Variants in GDAP1 observed in about 807,000 individuals in gnomAD.
GDAP1 encodes the protein ganglioside-induced differentiation-associated protein 1.
In GDAP1, 34 loss-of-function variants were observed where a neutral mutation model predicts 40.1. The observed-to-expected ratio is 0.85, with a 90% CI of 0.64 to 1.13. The LOEUF is 1.13. Ranked by LOEUF, GDAP1 falls within the 50% of genes most tolerant of loss-of-function variation. The pLI is 0.00. For synonymous variants in GDAP1, 170 were observed against 157.4 expected (o/e 1.08, Z -0.60); for missense variants, 374 against 433.7 (o/e 0.86, Z 1.22).
At chr8:74,479,011 T>G (rs1806672207) in intron 2 of GDAP1, among the ~76,000 whole-genome samples, 1 of 152,164 alleles carries the variant, frequency 6.6e-6, no homozygotes, top group Admixed American at 6.5e-5. Flanking sequence ...CCTGTGAAGA[T>G]CTGCTGGGAG....
At chr8:74,399,791 C>A (rs1253427091) in intron 2 of GDAP1, among the ~76,000 whole-genome samples, 1 of 128,256 alleles carries the variant, frequency 7.8e-6, no homozygotes, top group Non-Finnish European at 1.6e-5. Context: ...TTATTTCTGC[C>A]TTCATTTCGT....
Position 74,350,505 on chromosome 8 carries a change from G to A in GDAP1, c.44G>A (p.Arg15Lys). The A allele has an allele frequency of 1.2e-6, 2 of 1,613,814 alleles. No homozygotes were observed. The highest frequency in any genetic ancestry group is 1.7e-6 in the Non-Finnish European group (2 of 1,179,790). Residue 15 changes from arginine (R) to lysine (K), a missense_variant, in exon 1 of 6, where the codon AGG becomes AAG. Transcript: ENST00000220822. ...QEEQRGSPPL[R>K]AEGKADAEVK... is the part of the protein sequence containing the mutation. ...GAGCAGAGAGGGAGCCCGCCCTTGA[G>A]GGCGGAAGGCAAGGCCGACGCGGAG...
At chr8:74,464,581 T>C (rs148700967) in intron 2 of GDAP1, among the ~76,000 whole-genome samples, 1 of 152,352 alleles carries the variant, frequency 6.6e-6, no homozygotes, top group African/African-American at 2.4e-5. Flanking sequence ...TGCGTCCATC[T>C]AGACACCCTG....
intron 2 of GDAP1, among the ~76,000 whole-genome samples, chr8:74,473,960 T>A (rs1454202838): frequency 6.6e-6 from 1 of 152,256 alleles, no homozygotes; most frequent in Non-Finnish European, 1.5e-5. Context: ...TTTCCATTTA[T>A]TTGTTTCACC....
rs1040448638 is a variant in GDAP1 at position 74,410,154 on chromosome 8, A to G, written c.165+58833A>G. Among the ~76,000 whole-genome samples, 19 of 150,206 alleles carry G rather than the reference A, an allele frequency of 1.3e-4. 2 individuals carry two copies. Among genetic ancestry groups the G allele is most frequent in the African/African-American group, 4.3e-4 (17 of 39,476 alleles). On this transcript the variant is annotated intron_variant, in intron 2 of 2. Coordinates refer to the GDAP1 transcript ENST00000523640. Reference sequence around the variant, plus strand: ...GACCTAAGTTCCACCTGTCTCTTGAATCAGTTAAATGAAGTCACCATGGGA... The same window carrying G: ...GACCTAAGTTCCACCTGTCTCTTGAGTCAGTTAAATGAAGTCACCATGGGA...
chr8:74,429,483 C>G (rs980347829), intron 2 of GDAP1, among the ~76,000 whole-genome samples: 2 of 152,084 alleles, frequency 1.3e-5, no homozygotes, highest in African/African-American at 4.8e-5. Context: ...TATTTGTTTG[C>G]TCATAGGTCT....
At chr8:74,445,875 A>C (rs1806220630) in intron 2 of GDAP1, among the ~76,000 whole-genome samples, 2 of 152,312 alleles carry the variant, frequency 1.3e-5, no homozygotes, top group Admixed American at 1.3e-4. Context: ...CAAAGATGGT[A>C]TTGAGCTATC....
chr8:74,422,244 C>G (rs1373207597), intron 2 of GDAP1, among the ~76,000 whole-genome samples: 5 of 147,776 alleles, frequency 3.4e-5, no homozygotes, highest in Non-Finnish European at 7.5e-5. Context: ...CTCCCTCCCT[C>G]CCTCCTTTCT....
Position 74,365,428 on chromosome 8 carries a change from A to T in GDAP1, c.*1061A>T. The T allele has an allele frequency of 2.2e-6, 1 of 453,884 alleles. No individual in the cohort carries two copies. The highest frequency in any genetic ancestry group is 2.0e-5 in the African/African-American group (1 of 50,040). The allele number at this position is 453,884 out of a possible 1,614,324, so 28.1% of individuals were successfully genotyped here. A position where few individuals can be genotyped will look rare whatever the true frequency, so the allele number is the denominator to read the frequency against. On this transcript the variant is annotated 3_prime_UTR_variant, in exon 6 of 6. Coordinates refer to ENST00000220822, the MANE Select transcript of GDAP1 (RefSeq NM_018972.4). ...GGATTTGGGGGGGATACCTCAGTTCATGTGGAAGGGACAGTCTCGGTGTGT... is the reference window on the plus strand; with the variant it reads ...GGATTTGGGGGGGATACCTCAGTTCTTGTGGAAGGGACAGTCTCGGTGTGT...
chr8:74,404,286 C>G (rs1174180105), intron 2 of GDAP1, among the ~76,000 whole-genome samples: 1 of 149,186 alleles, frequency 6.7e-6, no homozygotes, highest in Non-Finnish European at 1.5e-5. Flanking sequence ...TTGACTATTA[C>G]TTTTAAATGG....
rs143169803 is a variant in GDAP1 at position 74,450,166 on chromosome 8, C to T, written c.166-38512C>T. On this transcript the variant is annotated intron_variant, in intron 2 of 2. Transcript: ENST00000523640. ...GTTTAAATATATATTTTATTATTGACTTCCCATTTAATTCCACTGTTGTTA... is the reference window on the plus strand; with the variant it reads ...GTTTAAATATATATTTTATTATTGATTTCCCATTTAATTCCACTGTTGTTA... Among the ~76,000 whole-genome samples, 693 of 151,084 alleles carry T rather than the reference C, an allele frequency of 4.6e-3. 3 individuals carry two copies. Among genetic ancestry groups the T allele is most frequent in the African/African-American group, 0.015 (601 of 41,270 alleles).
chr8:74,408,162 C>T (rs553669845), intron 2 of GDAP1, among the ~76,000 whole-genome samples: 1 of 150,052 alleles, frequency 6.7e-6, no homozygotes, highest in East Asian at 1.9e-4. Context: ...CTGTATGTTC[C>T]AAAATAAGAA....
rs151257106 is a variant in GDAP1, at chr8:74,392,924, G to A, written c.165+41603G>A. ...TACATTAGCCAGAAAAATCTACAGG[G>A]TCAAGACATGGACTTTTGGCAGTTT... is the stretch of plus-strand genomic sequence containing the variant. On this transcript the variant is annotated intron_variant, in intron 2 of 2. Transcript: ENST00000523640. Among the ~76,000 whole-genome samples, 26 of 152,292 alleles carry A rather than the reference G, an allele frequency of 1.7e-4. No homozygotes were observed. In the East Asian group the frequency reaches 4.8e-3, roughly 28 times the overall value.
chr8:74,400,432 G>T (rs2131548381), intron 2 of GDAP1, among the ~76,000 whole-genome samples: 1 of 149,012 alleles, frequency 6.7e-6, no homozygotes, highest in South Asian at 2.1e-4. Context: ...CTTTTATTTT[G>T]AGTCTATGTG....
chr8:74,427,078 G>A (rs1356819147), intron 2 of GDAP1, among the ~76,000 whole-genome samples: 4 of 152,194 alleles, frequency 2.6e-5, no homozygotes, highest in African/African-American at 9.6e-5. Context: ...CTCAGCAAAT[G>A]TGCTGCAAAC....
At chr8:74,391,510 C>A (rs112646152) in intron 2 of GDAP1, among the ~76,000 whole-genome samples, 3,947 of 151,606 alleles carry the variant, frequency 0.026, 123 homozygotes, top group Non-Finnish European at 0.032. Context: ...TGGGCTGCAC[C>A]CACTGTCTAA....
At chr8:74,375,812 G>A (rs1809843066) in intron 2 of GDAP1, among the ~76,000 whole-genome samples, 1 of 152,060 alleles carries the variant, frequency 6.6e-6, no homozygotes, top group Non-Finnish European at 1.5e-5. Context: ...GAAATAAAAG[G>A]TATAAAATTT....
chr8:74,450,043 G>A (rs115651816), intron 2 of GDAP1, among the ~76,000 whole-genome samples: 4,983 of 150,456 alleles, frequency 0.033, 155 homozygotes, highest in Admixed American at 0.074. Flanking sequence ...CCAGAAAATG[G>A]ATATGTTGTG....
At chr8:74,473,450 C>A (rs1396460020) in intron 2 of GDAP1, among the ~76,000 whole-genome samples, 1 of 152,136 alleles carries the variant, frequency 6.6e-6, no homozygotes, top group Non-Finnish European at 1.5e-5. Context: ...AAGCCTTTAA[C>A]CCATCTTGAA....
Sources: gnomAD v4.1 joint callset for allele counts (sites outside exome capture counted in the v4.1 genomes callset) on GRCh38, gnomAD v4.1.1 for gene constraint, MANE v1.5 for transcripts, NCBI Gene and HGNC (gene_info 2026-07-23, HGNC 2026-07-21) for gene names.